The following SRBD1 variants were observed in gnomAD, a reference collection of about 807,000 sequenced individuals.
SRBD1 encodes S1 RNA binding domain 1, also known as S1 RNA-binding domain-containing protein 1.
SRBD1 carries 88 observed loss-of-function variants against 115.3 expected under a neutral mutation model. That is an observed-to-expected ratio of 0.76 (90% confidence interval 0.64 to 0.91). The LOEUF (loss-of-function observed/expected upper bound fraction) is 0.91. SRBD1 is among the 40% of genes least tolerant of loss of function. The pLI is 0.00. For synonymous variants in SRBD1, 509 were observed against 407.7 expected (o/e 1.25, Z -2.99); for missense variants, 1,385 against 1,177.4 (o/e 1.18, Z -2.58).
chr2:45,559,538 G>A (rs1218976952), intron 10 of SRBD1, among the ~76,000 whole-genome samples: 1 of 152,084 alleles, frequency 6.6e-6, no homozygotes, highest in Non-Finnish European at 1.5e-5. Context: ...TCATGGATAA[G>A]CAGTATATCT....
At chr2:45,533,057 A>C (rs1671662053) in intron 14 of SRBD1, among the ~76,000 whole-genome samples, 1 of 152,104 alleles carries the variant, frequency 6.6e-6, no homozygotes, top group South Asian at 2.1e-4. Context: ...TACATTTTTT[A>C]AAACGTGTTG....
intron 4 of SRBD1, among the ~76,000 whole-genome samples, chr2:45,586,249 A>G (rs1346051271): frequency 6.6e-6 from 1 of 152,230 alleles, no homozygotes; most frequent in Non-Finnish European, 1.5e-5. Context: ...ACATGCCTCT[A>G]GAAAATATTA....
intron 9 of SRBD1, among the ~76,000 whole-genome samples, chr2:45,569,815 A>G (rs999352129): frequency 6.6e-6 from 1 of 152,248 alleles, no homozygotes; most frequent in African/African-American, 2.4e-5. Flanking sequence ...GGAAGCCAAC[A>G]GCAGAGCAAC....
chr2:45,555,242 G>A (rs1384579808), intron 10 of SRBD1, among the ~76,000 whole-genome samples: 1 of 152,108 alleles, frequency 6.6e-6, no homozygotes, highest in Non-Finnish European at 1.5e-5. Context: ...AAATTTAGCT[G>A]GATGTGTTGG....
At position 45,439,976 on chromosome 2, in the gene SRBD1, T is replaced by C. The variant is rs138049548; in HGVS notation, c.2050-20082A>G. Among the ~76,000 whole-genome samples, 406 of 152,198 alleles carry C rather than the reference T, an allele frequency of 2.7e-3. 2 individuals carry two copies. The South Asian group carries it at 0.032, about 12-fold the overall frequency. On this transcript the variant is annotated intron_variant, in intron 16 of 20. Coordinates refer to ENST00000263736, the MANE Select transcript of SRBD1 (RefSeq NM_018079.5). ...GTCCACTGCAATCTGATAGCAGATG[T>C]CCTCCCCAGATGTCTCACCTCCTGA...
chr2:45,497,226 A>T (rs1454277827), intron 14 of SRBD1, among the ~76,000 whole-genome samples: 3 of 152,192 alleles, frequency 2.0e-5, no homozygotes, highest in Admixed American at 1.3e-4. Context: ...ATTTACTAAC[A>T]TGTGGTACAC....
intron 19 of SRBD1, among the ~76,000 whole-genome samples, chr2:45,412,731 G>C (rs1440665920): frequency 1.3e-5 from 2 of 152,150 alleles, no homozygotes; most frequent in Non-Finnish European, 2.9e-5. Context: ...AACCAATAAA[G>C]ATAATATTAA....
In SRBD1 at chr2:45,536,172, T is replaced by A. The variant is rs528877611; in HGVS notation, c.1874+10560A>T. Among the ~76,000 whole-genome samples the A allele has an allele frequency of 1.7e-4, 26 of 152,096 alleles. No individual in the cohort carries two copies. In the East Asian group the frequency reaches 5.0e-3, roughly 29 times the overall value. ...ATATTATATAATATAATTAAACATA[T>A]AAGAGCTAAATCAGATACTAGTTAC... On this transcript the variant is annotated intron_variant, in intron 14 of 20. Coordinates refer to ENST00000263736, the MANE Select transcript of SRBD1 (RefSeq NM_018079.5).
Position 45,427,006 on chromosome 2 carries a change from A to C in SRBD1, c.2050-7112T>G, listed in dbSNP as rs6739166. Among the ~76,000 whole-genome samples the C allele has an allele frequency of 6.9e-3, 1,052 of 152,332 alleles. 16 individuals carry two copies. Among genetic ancestry groups the C allele is most frequent in the African/African-American group, 0.024 (996 of 41,568 alleles). ...AACTGGATGGAGAATTAATTTGATG[A>C]AATTGACAGAAGTAGGCTTCAGAAA... On this transcript the variant is annotated intron_variant, in intron 16 of 20. Coordinates refer to ENST00000263736, the MANE Select transcript of SRBD1 (RefSeq NM_018079.5).
chr2:45,523,348 C>A (rs2103961641), intron 14 of SRBD1, among the ~76,000 whole-genome samples: 2 of 144,484 alleles, frequency 1.4e-5, no homozygotes, highest in East Asian at 4.0e-4. Flanking sequence ...TACAGCAGAA[C>A]TTAATAAAAC....
chr2:45,595,889 G>A lies in SRBD1; in HGVS notation c.648+3560C>T, dbSNP rs1299614323. Among the ~76,000 whole-genome samples the A allele has an allele frequency of 2.6e-5, 4 of 152,240 alleles. No individual in the cohort carries two copies. In the East Asian group the frequency reaches 7.7e-4, roughly 29 times the overall value. ...TGAGCTTAATAATTGCCATCAGATT[G>A]CTCAGCAAAGGTGGCAGCGTCCCAA... On this transcript the variant is annotated intron_variant, in intron 4 of 20. Transcript: ENST00000263736.
chr2:45,502,494 T>C (rs1469101440), intron 14 of SRBD1, among the ~76,000 whole-genome samples: 1 of 152,144 alleles, frequency 6.6e-6, no homozygotes, highest in Non-Finnish European at 1.5e-5. Context: ...TGGAATACTA[T>C]GCAGCCATAA....
intron 16 of SRBD1, among the ~76,000 whole-genome samples, chr2:45,445,728 G>A (rs1179732957): frequency 6.6e-6 from 1 of 152,016 alleles, no homozygotes; most frequent in Non-Finnish European, 1.5e-5. Context: ...CTATTACTAA[G>A]AGTCATATAT....
intron 14 of SRBD1, among the ~76,000 whole-genome samples, chr2:45,520,396 T>C (rs1330083770): frequency 6.6e-6 from 1 of 152,220 alleles, no homozygotes; most frequent in African/African-American, 2.4e-5. Context: ...TGCCACAGGC[T>C]GTTTGCTTTA....
chr2:45,424,031 T>C (rs796816156), intron 16 of SRBD1, among the ~76,000 whole-genome samples: 7 of 152,304 alleles, frequency 4.6e-5, no homozygotes, highest in African/African-American at 1.7e-4. Context: ...CTTCAGCGTA[T>C]AGTTCCAAAT....
At chr2:45,436,640 A>T (rs1668508135) in intron 16 of SRBD1, among the ~76,000 whole-genome samples, 1 of 152,064 alleles carries the variant, frequency 6.6e-6, no homozygotes, top group African/African-American at 2.4e-5. Context: ...TGCAGGAAAA[A>T]CTACCATTTA....
chr2:45,519,652 C>T (rs947741665), intron 14 of SRBD1, among the ~76,000 whole-genome samples: 1 of 152,112 alleles, frequency 6.6e-6, no homozygotes, highest in South Asian at 2.1e-4. Flanking sequence ...AATTTTGTCC[C>T]TTCTTCTAAC....
intron 16 of SRBD1, among the ~76,000 whole-genome samples, chr2:45,434,935 G>A (rs959716281): frequency 5.0e-5 from 7 of 141,336 alleles, no homozygotes; most frequent in East Asian, 4.8e-4. Context: ...CCCACCCCAC[G>A]ACAGGCCCCG....
chr2:45,491,716 C>T (rs1347258262), intron 14 of SRBD1, among the ~76,000 whole-genome samples: 1 of 152,080 alleles, frequency 6.6e-6, no homozygotes, highest in Non-Finnish European at 1.5e-5. Context: ...AGGAAACAAA[C>T]CACACACTTA....
Sources: allele counts gnomAD v4.1 joint callset (sites outside exome capture counted in the v4.1 genomes callset), GRCh38; gene constraint gnomAD v4.1.1; transcripts MANE v1.5; gene names NCBI Gene and HGNC (gene_info 2026-07-23, HGNC 2026-07-21).